PRDM5: variants seen among roughly 807,000 people sequenced by gnomAD.
PRDM5 encodes the protein PR domain zinc finger protein 5.
In PRDM5, 56 loss-of-function variants were observed where a neutral mutation model predicts 81.2. That is an observed-to-expected ratio of 0.69 (90% CI 0.56 to 0.86). PRDM5 has a LOEUF of 0.86. Ranked by LOEUF, PRDM5 falls within the 40% of genes least tolerant of loss-of-function variation. The pLI is 0.00. For missense variants in PRDM5, 697 were observed against 770.1 expected, an observed-to-expected ratio of 0.91 and a Z score of 1.12; for synonymous variants, 267 against 256.4, an observed-to-expected ratio of 1.04 and a Z score of -0.39.
At chr4:120,816,350 A>G (rs780296219) in intron 7 of PRDM5, 103 bp downstream of exon 7, 53 of 1,590,808 alleles carry the variant, frequency 3.3e-5, no homozygotes, top group Non-Finnish European at 4.4e-5. Flanking sequence ...GTGAAACACA[A>G]TGGAAAAGCC....
intron 4 of PRDM5, among the ~76,000 whole-genome samples, chr4:120,820,716 C>T (rs188965727): frequency 1.1e-3 from 166 of 152,354 alleles, no homozygotes; most frequent in South Asian, 7.0e-3. Context: ...AGGAATCAAT[C>T]CCCTTCGGAT....
chr4:120,838,877 G>C, intron 3 of PRDM5: 1 of 262,148 alleles, frequency 3.8e-6, no homozygotes, highest in East Asian at 7.0e-5. Flanking sequence ...AAGGGAGACT[G>C]CATGGAGCGG....
rs1441714115 is a variant in PRDM5 at position 120,752,015 on chromosome 4, A to G, written c.1623+2538T>C. Among the ~76,000 whole-genome samples the G allele has an allele frequency of 3.3e-5, 5 of 152,342 alleles. No individual in the cohort carries two copies. In the South Asian group the frequency reaches 1.0e-3, roughly 32 times the overall value. ...TAAATGCTCATGTAATGTGAATGCA[A>G]AATTGAAACTGAAATGTGTTATGGC... On this transcript the variant is annotated intron_variant, in intron 14 of 15. Coordinates refer to ENST00000264808, the MANE Select transcript of PRDM5 (RefSeq NM_018699.4).
chr4:120,838,332 G>A (rs1342386051), intron 3 of PRDM5: 1 of 152,000 alleles, frequency 6.6e-6, no homozygotes, highest in South Asian at 2.1e-4. Flanking sequence ...ACATATTCAT[G>A]GGGTACCTAG....
At chr4:120,772,843 T>G (rs1475809248) in intron 13 of PRDM5, among the ~76,000 whole-genome samples, 1 of 152,172 alleles carries the variant, frequency 6.6e-6, no homozygotes, top group Non-Finnish European at 1.5e-5. Context: ...ATTATTTGTC[T>G]TTTTCACCAT....
intron 2 of PRDM5, among the ~76,000 whole-genome samples, chr4:120,879,011 T>C (rs1160348017): frequency 6.6e-6 from 1 of 152,184 alleles, no homozygotes; most frequent in Non-Finnish European, 1.5e-5. Context: ...ACTCTTACCA[T>C]GTGATCCAGC....
At chr4:120,799,604 G>A in intron 9 of PRDM5, 57 bp downstream of exon 9, 1 of 1,585,586 alleles carries the variant, frequency 6.3e-7, no homozygotes, top group Non-Finnish European at 8.6e-7. Context: ...TATAAAAAGT[G>A]ACAATGTAAT....
intron 10 of PRDM5, among the ~76,000 whole-genome samples, chr4:120,792,444 T>C (rs1156696857): frequency 1.3e-5 from 2 of 152,186 alleles, no homozygotes; most frequent in Non-Finnish European, 2.9e-5. Context: ...CAAGAACTAT[T>C]GGAACCCCTG....
intron 14 of PRDM5, chr4:120,731,685 C>G (rs1056904959): frequency 2.6e-5 from 4 of 152,078 alleles, no homozygotes; most frequent in Non-Finnish European, 5.9e-5. Context: ...GAAGTGTAAT[C>G]AGCAGGGGCG....
At chr4:120,892,109 T>C (rs1764116064) in intron 2 of PRDM5, among the ~76,000 whole-genome samples, 1 of 151,112 alleles carries the variant, frequency 6.6e-6, no homozygotes, top group Non-Finnish European at 1.5e-5. Flanking sequence ...TCCATATAGT[T>C]GTGTGGCTTT....
chr4:120,727,472 T>C (rs978200553), intron 14 of PRDM5, among the ~76,000 whole-genome samples: 1 of 152,164 alleles, frequency 6.6e-6, no homozygotes, highest in Non-Finnish European at 1.5e-5. Flanking sequence ...CGATCCAGTC[T>C]GTGTCTGGCA....
At chr4:120,822,211 G>A (rs1031442540) in intron 3 of PRDM5, among the ~76,000 whole-genome samples, 3 of 152,188 alleles carry the variant, frequency 2.0e-5, no homozygotes, top group Admixed American at 1.3e-4. Context: ...GCTGTAAAGC[G>A]GGCTGTCCCC....
intron 1 of PRDM5, among the ~76,000 whole-genome samples, chr4:120,909,951 A>G (rs550186265): frequency 6.6e-6 from 1 of 152,176 alleles, no homozygotes; most frequent in South Asian, 2.1e-4. Flanking sequence ...AGAAACACAC[A>G]CCTATAAAAC....
In PRDM5 at chr4:120,710,339, C is replaced by A. The variant is rs764095834; in HGVS notation, c.1698G>T (p.Thr566=). 1.9e-5 allele frequency: 31 copies of A among 1,613,868 alleles called. No homozygotes were observed. In the East Asian group the frequency reaches 6.7e-4, roughly 35 times the overall value. Residue 566 remains threonine, a synonymous_variant, in exon 15 of 16, where the codon ACG becomes ACT. Transcript: ENST00000264808. ...ACTGAAAAGGCTTTTCTCCAGTGTG[C>A]GTCCTCTTGTGCTCATCCAGGCCTC... ...QKRGLDEHKR[T]HTGEKPFQCD...
At chr4:120,921,994 C>T (rs1189259633) in intron 1 of PRDM5, among the ~76,000 whole-genome samples, 1 of 152,230 alleles carries the variant, frequency 6.6e-6, no homozygotes, top group African/African-American at 2.4e-5. Context: ...TGAGATTCTA[C>T]GGCCTGCGTG....
At chr4:120,865,569 T>C (rs972573109) in intron 2 of PRDM5, among the ~76,000 whole-genome samples, 1 of 152,190 alleles carries the variant, frequency 6.6e-6, no homozygotes, top group African/African-American at 2.4e-5. Context: ...CTTTCTTCAA[T>C]CCCGACATTT....
intron 2 of PRDM5, among the ~76,000 whole-genome samples, chr4:120,903,503 T>C (rs1765429718): frequency 1.3e-5 from 2 of 152,224 alleles, no homozygotes; most frequent in African/African-American, 2.4e-5. Context: ...GCAATAACTC[T>C]GCAATTCTAA....
intron 3 of PRDM5, among the ~76,000 whole-genome samples, chr4:120,843,449 TC>T (rs1758285856): frequency 6.6e-6 from 1 of 151,914 alleles, no homozygotes; most frequent in African/African-American, 2.4e-5. Flanking sequence ...ATGCCTGTAA[TC>T]CCAGCACTTT....
Position 120,774,200 on chromosome 4 carries a change from G to T in PRDM5, c.1537+2988C>A, listed in dbSNP as rs139866797. 2.4e-3 allele frequency among the ~76,000 whole-genome samples: 362 copies of T among 152,268 alleles called. 1 individual carries two copies. Among genetic ancestry groups the T allele is most frequent in the African/African-American group, 8.4e-3 (350 of 41,572 alleles). On this transcript the variant is annotated intron_variant, in intron 13 of 15. Coordinates refer to ENST00000264808, the MANE Select transcript of PRDM5 (RefSeq NM_018699.4). ...AAGAACACTGCTCCACAGAGGAGCT[G>T]TCCTCTTCTGACTGTCCCCACCCTG...
Sources: allele counts gnomAD v4.1 joint callset (sites outside exome capture counted in the v4.1 genomes callset), GRCh38; gene constraint gnomAD v4.1.1; transcripts MANE v1.5; gene names NCBI Gene and HGNC (gene_info 2026-07-23, HGNC 2026-07-21).